Variants in ANAPC10 observed in about 807,000 individuals in gnomAD.
The protein encoded by ANAPC10 is anaphase promoting complex subunit 10.
In ANAPC10, 12 loss-of-function variants were observed where a neutral mutation model predicts 22.0. That is an observed-to-expected ratio of 0.55 (90% CI 0.35 to 0.88). The LOEUF (loss-of-function observed/expected upper bound fraction) is 0.88, where lower values mean the gene tolerates loss of function less well. Ranked by LOEUF, ANAPC10 falls within the 40% of genes least tolerant of loss-of-function variation. ANAPC10 has a pLI of 0.01. For synonymous variants in ANAPC10, 65 were observed against 69.5 expected, an observed-to-expected ratio of 0.94 and a Z score of 0.32; for missense variants, 188 against 220.9, an observed-to-expected ratio of 0.85 and a Z score of 0.94.
At chr4:145,071,126 G>T (rs1246858072) in intron 3 of ANAPC10, among the ~76,000 whole-genome samples, 8 of 152,314 alleles carry the variant, frequency 5.3e-5, no homozygotes, top group African/African-American at 1.9e-4. Context: ...AAAATGGCTG[G>T]CCAGGAACAG....
intron 4 of ANAPC10, among the ~76,000 whole-genome samples, chr4:145,037,801 G>C (rs1046489844): frequency 6.6e-5 from 10 of 151,888 alleles, no homozygotes; most frequent in Non-Finnish European, 1.5e-4. Context: ...ACAAAAATTA[G>C]CAGAGCATGG....
intron 4 of ANAPC10, among the ~76,000 whole-genome samples, chr4:145,058,488 C>T (rs951584934): frequency 1.3e-5 from 2 of 152,178 alleles, no homozygotes; most frequent in African/African-American, 4.8e-5. Context: ...TTGCATATCT[C>T]TTCCATGAGA....
intron 4 of ANAPC10, among the ~76,000 whole-genome samples, chr4:145,060,527 A>G (rs1742725558): frequency 6.6e-6 from 1 of 152,032 alleles, no homozygotes; most frequent in Non-Finnish European, 1.5e-5. Flanking sequence ...CTTCAAATCA[A>G]CAATTACAAA....
intron 4 of ANAPC10, among the ~76,000 whole-genome samples, chr4:145,004,585 A>T (rs1362142353): frequency 6.6e-6 from 1 of 152,160 alleles, no homozygotes; most frequent in Non-Finnish European, 1.5e-5. Context: ...CCTTTTCTGC[A>T]TCTATTGAAA....
chr4:145,073,719 T>A (rs991663627), intron 3 of ANAPC10, among the ~76,000 whole-genome samples: 9 of 152,102 alleles, frequency 5.9e-5, no homozygotes, highest in African/African-American at 2.2e-4. Flanking sequence ...CTCTTTAAAA[T>A]GAAGCAAACC....
chr4:145,031,886 C>T (rs1166315528), intron 4 of ANAPC10, among the ~76,000 whole-genome samples: 1 of 152,196 alleles, frequency 6.6e-6, no homozygotes, highest in Non-Finnish European at 1.5e-5. Context: ...GCAACCTGAA[C>T]TGACTATCAT....
At chr4:145,088,266 G>T (rs1232219530) in intron 2 of ANAPC10, among the ~76,000 whole-genome samples, 2 of 151,982 alleles carry the variant, frequency 1.3e-5, no homozygotes, top group Non-Finnish European at 2.9e-5. Context: ...TCTCTCCCTA[G>T]ATGAGTTAGT....
chr4:145,062,817 T>C (rs981608522), intron 4 of ANAPC10, among the ~76,000 whole-genome samples: 5 of 152,138 alleles, frequency 3.3e-5, no homozygotes, highest in Non-Finnish European at 7.3e-5. Context: ...ATATACCCAA[T>C]GGAATATTAT....
At chr4:145,085,680 G>T (rs575918091) in intron 2 of ANAPC10, among the ~76,000 whole-genome samples, 48 of 152,044 alleles carry the variant, frequency 3.2e-4, no homozygotes, top group Non-Finnish European at 5.7e-4. Flanking sequence ...AACTAAGCAG[G>T]TCTAATATCT....
intron 3 of ANAPC10, among the ~76,000 whole-genome samples, chr4:145,068,609 G>C (rs1449994339): frequency 6.6e-6 from 1 of 152,112 alleles, no homozygotes; most frequent in Non-Finnish European, 1.5e-5. Context: ...ATATGTTCCT[G>C]GTATAAAAGT....
chr4:144,997,385 T>C (rs1219129493), intron 4 of ANAPC10, among the ~76,000 whole-genome samples: 1 of 152,080 alleles, frequency 6.6e-6, no homozygotes, highest in African/African-American at 2.4e-5. Context: ...TAATAGCAGA[T>C]CTCTCACCAG....
At chr4:145,066,395 C>A (rs963165249) in intron 3 of ANAPC10, among the ~76,000 whole-genome samples, 1 of 151,968 alleles carries the variant, frequency 6.6e-6, no homozygotes, top group African/African-American at 2.4e-5. Flanking sequence ...TTTTTGAAGA[C>A]CTTTTTCCTT....
chr4:145,071,347 A>C (rs1744462866), intron 3 of ANAPC10, among the ~76,000 whole-genome samples: 2 of 152,230 alleles, frequency 1.3e-5, no homozygotes, highest in South Asian at 4.1e-4. Context: ...CAGAGGTTGC[A>C]GTGAGCCAAG....
At chr4:145,083,496 G>C (rs1363126234) in intron 2 of ANAPC10, among the ~76,000 whole-genome samples, 1 of 151,998 alleles carries the variant, frequency 6.6e-6, no homozygotes, top group African/African-American at 2.4e-5. Flanking sequence ...GATAAATATT[G>C]CCAAATTGTC....
Position 145,081,562 on chromosome 4 carries a change from T to C in ANAPC10, c.206+98A>G. 3 of 773,954 alleles carry C rather than the reference T, an allele frequency of 3.9e-6. No homozygotes were observed. The East Asian group carries it at 8.5e-5, about 22-fold the overall frequency. The allele number at this position is 773,954 out of a possible 1,614,324, so 47.9% of individuals were successfully genotyped here. ...TTCAGAGTTTAAAAAGTTAAGTGTA[T>C]TTCATTGTAATTTCTATCTTTAATT... is the stretch of plus-strand genomic sequence containing the variant. On this transcript the variant is annotated intron_variant, in intron 3 of 4. Coordinates refer to ENST00000507656, the MANE Select transcript of ANAPC10 (RefSeq NM_001256706.2).
At chr4:144,996,951 C>A (rs951134770) in intron 4 of ANAPC10, among the ~76,000 whole-genome samples, 11 of 151,954 alleles carry the variant, frequency 7.2e-5, no homozygotes, top group African/African-American at 2.7e-4. Context: ...GCACAAGCTT[C>A]AATAGCTGAT....
intron 4 of ANAPC10, chr4:145,035,274 A>C (rs1264590879): frequency 6.6e-6 from 1 of 152,196 alleles, no homozygotes; most frequent in East Asian, 1.9e-4. Context: ...GTGCTTGGTC[A>C]AAGAGGACGA....
chr4:145,054,618 TG>T (rs1560883990), intron 4 of ANAPC10, among the ~76,000 whole-genome samples: 1 of 122,336 alleles, frequency 8.2e-6, no homozygotes, highest in Non-Finnish European at 1.8e-5. Context: ...TGTGTGTGTG[TG>T]TGTGTGTGTG....
At chr4:145,011,779 C>G (rs753831185) in intron 4 of ANAPC10, among the ~76,000 whole-genome samples, 31 of 152,044 alleles carry the variant, frequency 2.0e-4, no homozygotes, top group African/African-American at 7.5e-4. Context: ...TCTGAAGTTG[C>G]CTAGGATAGG....
Sources: allele counts gnomAD v4.1 joint callset (sites outside exome capture counted in the v4.1 genomes callset), GRCh38; gene constraint gnomAD v4.1.1; transcripts MANE v1.5; gene names NCBI Gene and HGNC (gene_info 2026-07-23, HGNC 2026-07-21).